Variants in UBA6 observed in about 807,000 individuals in gnomAD.
UBA6 encodes ubiquitin-like modifier-activating enzyme 6.
UBA6 carries 87 observed loss-of-function variants against 148.3 expected under a neutral mutation model. The observed-to-expected ratio is 0.59, with a 90% CI of 0.49 to 0.70. The LOEUF (loss-of-function observed/expected upper bound fraction) is 0.70. Ranked by LOEUF, UBA6 falls within the 30% of genes least tolerant of loss-of-function variation. The pLI, the probability that UBA6 is intolerant of heterozygous loss-of-function variation, is 0.00. For missense variants in UBA6, 1,186 were observed against 1,241.2 expected (o/e 0.96, Z 0.67); for synonymous variants, 376 against 401.0 (o/e 0.94, Z 0.75).
intron 13 of UBA6, among the ~76,000 whole-genome samples, chr4:67,653,538 C>A (rs1484339815): frequency 6.6e-6 from 1 of 152,186 alleles, no homozygotes; most frequent in African/African-American, 2.4e-5. Context: ...AGGTCACCAA[C>A]ATCAAAGACC....
At chr4:67,640,165 CACTT>C (rs1181336838) in intron 18 of UBA6, among the ~76,000 whole-genome samples, 1 of 152,200 alleles carries the variant, frequency 6.6e-6, no homozygotes, top group African/African-American at 2.4e-5. Context: ...TGACACATTT[CACTT>C]ATTAGTGTTC....
At chr4:67,646,142 T>C (rs2109916953) in intron 15 of UBA6, 126 bp from the exon 16 acceptor site, 1 of 471,736 alleles carries the variant, frequency 2.1e-6, no homozygotes, top group South Asian at 6.6e-5. Context: ...CCCTAACCAA[T>C]CTTAATTGAA....
chr4:67,615,523 C>A lies in UBA6; in HGVS notation c.*3474G>T, dbSNP rs1325261503. The A allele has an allele frequency of 6.6e-6, 1 of 152,044 alleles. No individual in the cohort carries two copies. The highest frequency in any genetic ancestry group is 1.5e-5 in the Non-Finnish European group (1 of 68,012). The allele number at this position is 152,044 out of a possible 1,614,324, so 9.4% of individuals were successfully genotyped here. A position where few individuals can be genotyped will look rare whatever the true frequency, so the allele number is the denominator to read the frequency against. ...TCTAATAAAATTTAAGATATGAATA[C>A]CCTATGACCAAAAAATTCTACTCCT... On this transcript the variant is annotated 3_prime_UTR_variant, in exon 33 of 33. Coordinates refer to ENST00000322244, the MANE Select transcript of UBA6 (RefSeq NM_018227.6).
chr4:67,688,283 A>G (rs1255456160), intron 2 of UBA6, among the ~76,000 whole-genome samples: 1 of 152,212 alleles, frequency 6.6e-6, no homozygotes, highest in Admixed American at 6.5e-5. Flanking sequence ...GCAGCTAGAA[A>G]ACCAAGCCTG....
intron 13 of UBA6, 21 bp downstream of exon 13, chr4:67,662,168 G>T: frequency 1.2e-6 from 2 of 1,607,566 alleles, no homozygotes; most frequent in Non-Finnish European, 1.7e-6. Flanking sequence ...TATTCGGACA[G>T]CCATAAATTT....
At chr4:67,671,839 A>G (rs993748013) in intron 7 of UBA6, among the ~76,000 whole-genome samples, 2 of 152,064 alleles carry the variant, frequency 1.3e-5, no homozygotes, top group African/African-American at 4.8e-5. Flanking sequence ...AAGAACTGTG[A>G]TTTTTCCCAT....
At chr4:67,652,574 T>C (rs148696762) in intron 13 of UBA6, among the ~76,000 whole-genome samples, 13 of 152,290 alleles carry the variant, frequency 8.5e-5, no homozygotes, top group African/African-American at 2.9e-4. Flanking sequence ...GATGGCCGAA[T>C]AGGAACAGCT....
intron 10 of UBA6, among the ~76,000 whole-genome samples, chr4:67,664,448 A>T (rs1364149567): frequency 1.3e-5 from 2 of 151,682 alleles, no homozygotes; most frequent in African/African-American, 4.8e-5. Flanking sequence ...TTTTTTTTTT[A>T]ATTCTAACTT....
Position 67,639,096 on chromosome 4 carries a change from G to GC in UBA6, c.1582dup (p.Ala528GlyfsTer23). ...TATTTGAGAATTTATTTTCAGAGTA[G>GC]CATCAGCAGCAGTGTAGCTTTTAGG... On this transcript the variant is annotated frameshift_variant, in exon 19 of 33. Coordinates refer to ENST00000322244, the MANE Select transcript of UBA6 (RefSeq NM_018227.6). LOFTEE classifies it high-confidence loss of function. 1.2e-6 allele frequency: 2 copies of GC among 1,612,914 alleles called. No individual in the cohort carries two copies. The highest frequency in any genetic ancestry group is 1.7e-6 in the Non-Finnish European group (2 of 1,179,686).
chr4:67,628,222 T>C (rs1577790537), intron 27 of UBA6, among the ~76,000 whole-genome samples: 1 of 150,404 alleles, frequency 6.6e-6, no homozygotes, highest in African/African-American at 2.5e-5. Flanking sequence ...TTACTTCCTT[T>C]ATCTTCTTAT....
chr4:67,672,467 G>A (rs1730172410), intron 7 of UBA6, among the ~76,000 whole-genome samples: 1 of 152,112 alleles, frequency 6.6e-6, no homozygotes, highest in Non-Finnish European at 1.5e-5. Context: ...TAGTGTCCCT[G>A]GACCACACTT....
chr4:67,666,500 C>T (rs972400064), intron 9 of UBA6, among the ~76,000 whole-genome samples: 3 of 151,888 alleles, frequency 2.0e-5, no homozygotes, highest in Admixed American at 2.0e-4. Context: ...AAGTAGGATT[C>T]ATTTTTAACC....
At chr4:67,650,306 T>G (rs1729522345) in intron 13 of UBA6, among the ~76,000 whole-genome samples, 1 of 152,138 alleles carries the variant, frequency 6.6e-6, no homozygotes, top group Non-Finnish European at 1.5e-5. Flanking sequence ...ATTGAAAAAT[T>G]AAGTAACTTA....
At position 67,649,087 on chromosome 4, in the gene UBA6, A is replaced by C. The variant is rs1282999929; in HGVS notation, c.1229T>G (p.Phe410Cys). The C allele has an allele frequency of 6.2e-7, 1 of 1,613,448 alleles. No individual in the cohort carries two copies. Among genetic ancestry groups the C allele is most frequent in the African/African-American group, 1.3e-5 (1 of 74,902 alleles). ...QEVLKAVTGK[F>C]SPLCQWLYLE... is the part of the protein sequence containing the mutation. ...ACTAACCCACTGGCACAAAGGAGAAAATTTTCCTGTTACAGCTTTCAATAC... is the reference window on the plus strand; with the variant it reads ...ACTAACCCACTGGCACAAAGGAGAACATTTTCCTGTTACAGCTTTCAATAC... The change falls in exon 14 of 33, where the codon TTT (phenylalanine) becomes TGT (cysteine). Residue 410 changes from phenylalanine (F) to cysteine (C), a missense_variant. Coordinates refer to ENST00000322244, the MANE Select transcript of UBA6 (RefSeq NM_018227.6).
At chr4:67,682,715 G>A (rs1730471866) in intron 2 of UBA6, among the ~76,000 whole-genome samples, 1 of 151,928 alleles carries the variant, frequency 6.6e-6, no homozygotes, top group Admixed American at 6.6e-5. Context: ...TAACAGGATG[G>A]GAATTTCAAA....
intron 28 of UBA6, among the ~76,000 whole-genome samples, chr4:67,626,109 A>C (rs895769816): frequency 2.6e-5 from 4 of 151,952 alleles, no homozygotes; most frequent in African/African-American, 9.7e-5. Flanking sequence ...ACAATCAGAA[A>C]AACAACAACA....
At chr4:67,674,075 T>A (rs1161824529) in intron 6 of UBA6, among the ~76,000 whole-genome samples, 1 of 152,234 alleles carries the variant, frequency 6.6e-6, no homozygotes, top group East Asian at 1.9e-4. Context: ...CTCTAAGTGA[T>A]TAGATTTGTT....
chr4:67,644,990 A>C (rs777468151), intron 16 of UBA6, among the ~76,000 whole-genome samples: 1 of 152,214 alleles, frequency 6.6e-6, no homozygotes, highest in Non-Finnish European at 1.5e-5. Flanking sequence ...CTTATGTAAG[A>C]TAGAAATAAA....
chr4:67,624,935 G>T, intron 29 of UBA6, 59 bp downstream of exon 29: 1 of 1,408,294 alleles, frequency 7.1e-7, no homozygotes, highest in Non-Finnish European at 9.8e-7. Flanking sequence ...GTATGACGGG[G>T]AAGTCAGGGA....
Sources: gnomAD v4.1 joint callset for allele counts (sites outside exome capture counted in the v4.1 genomes callset) on GRCh38, gnomAD v4.1.1 for gene constraint, MANE v1.5 for transcripts, NCBI Gene and HGNC (gene_info 2026-07-23, HGNC 2026-07-21) for gene names.